The following FLOT2 variants were observed in gnomAD, a reference collection of about 807,000 sequenced individuals.
FLOT2 encodes the protein flotillin-2.
A neutral mutation model predicts 54.9 loss-of-function variants in FLOT2; 35 were observed. That is an observed-to-expected ratio of 0.64 (90% CI 0.49 to 0.84). The LOEUF is 0.84. FLOT2 is among the 40% of genes least tolerant of loss of function. The pLI is 0.00. For synonymous variants in FLOT2, 207 were observed against 228.9 expected, an observed-to-expected ratio of 0.90 and a Z score of 0.86; for missense variants, 464 against 572.1, an observed-to-expected ratio of 0.81 and a Z score of 1.93.
chr17:28,884,978 T>C lies in FLOT2; in HGVS notation c.132-663A>G, dbSNP rs569829499. Among the ~76,000 whole-genome samples, 29 of 152,336 alleles carry C rather than the reference T, an allele frequency of 1.9e-4. No homozygotes were observed. In the South Asian group the frequency reaches 3.3e-3, roughly 17 times the overall value. On this transcript the variant is annotated intron_variant, in intron 2 of 10. Coordinates refer to ENST00000394908, the MANE Select transcript of FLOT2 (RefSeq NM_004475.3). This position sits in a 1 kb window ranked among gnomAD's most constrained non-coding sequence, Gnocchi z 5.1. ...AGACTGAAGTCACACTAGAGCTTCTTGGCCAAGGAGTGTTAACCCTGGAAA... is the reference window on the plus strand; with the variant it reads ...AGACTGAAGTCACACTAGAGCTTCTCGGCCAAGGAGTGTTAACCCTGGAAA...
intron 9 of FLOT2, 40 bp from the exon 10 acceptor site, chr17:28,880,902 ACT>A (rs757312775): frequency 6.2e-7 from 1 of 1,611,072 alleles, no homozygotes; most frequent in Non-Finnish European, 8.5e-7. Flanking sequence ...GTTGGCGCTG[ACT>A]CTGTTCTCAG....
In FLOT2 at chr17:28,883,569, G is replaced by T. The variant is rs2039492864; in HGVS notation, c.223-338C>A. Among the ~76,000 whole-genome samples the T allele has an allele frequency of 1.3e-5, 2 of 152,152 alleles. No individual in the cohort carries two copies. ...TACACGTGGGAGACCCTCAGGCTGA[G>T]GGGCAGAGAGTATGAGAAGCAGAAT... is the stretch of plus-strand genomic sequence containing the variant. On this transcript the variant is annotated intron_variant, in intron 3 of 10. Coordinates refer to ENST00000394908, the MANE Select transcript of FLOT2 (RefSeq NM_004475.3). The surrounding 1 kb of genome is among the most constrained non-coding windows in gnomAD (Gnocchi z 5.0).
rs759424352 is a variant in FLOT2 at position 28,881,237 on chromosome 17, G to A, written c.1053C>T (p.Tyr351=). ...MKLKAEAYQK[Y]GDAAKMALVL... The stretch of plus-strand genomic sequence containing the variant: ...CCAAGGCCATCTTGGCTGCATCCCC[G>A]TATTTCTGGTAGGCTTCTGCCTTGA... The change falls in exon 9 of 11, where the codon TAC becomes TAT. Residue 351 remains tyrosine, a synonymous_variant. Transcript: ENST00000394908. 1.6e-5 allele frequency: 26 copies of A among 1,614,182 alleles called. No individual in the cohort carries two copies. The East Asian group carries it at 2.0e-4, about 12-fold the overall frequency.
At chr17:28,881,422 C>T (rs754320207) in intron 8 of FLOT2, 47 bp from the exon 9 acceptor site, 24 of 1,578,602 alleles carry the variant, frequency 1.5e-5, no homozygotes, top group Non-Finnish European at 2.0e-5. Flanking sequence ...TACCAGGGTC[C>T]TCTCAAGCCT....
At position 28,883,221 on chromosome 17, in the gene FLOT2, A is replaced by T; in HGVS notation, c.233T>A (p.Met78Lys). ...TVTGVAQVKIMTEKELLAVAC... is the reference protein window; with the variant it reads ...TVTGVAQVKIKTEKELLAVAC... Reference sequence around the variant, plus strand: ...CACGGCCAGGAGTTCCTTCTCCGTCATGATCTTCACCTGTCAGTGACGACA... The same window carrying T: ...CACGGCCAGGAGTTCCTTCTCCGTCTTGATCTTCACCTGTCAGTGACGACA... The change falls in exon 4 of 11, where the codon ATG becomes AAG. Residue 78 changes from methionine to lysine, a missense_variant. Transcript: ENST00000394908. The surrounding 1 kb of genome is among the most constrained non-coding windows in gnomAD (Gnocchi z 5.0). The T allele has an allele frequency of 2.5e-6, 4 of 1,614,058 alleles. No homozygotes were observed. The highest frequency in any genetic ancestry group is 3.4e-6 in the Non-Finnish European group (4 of 1,179,996).
At position 28,882,333 on chromosome 17, in the gene FLOT2, A is replaced by G. The variant is rs780192508; in HGVS notation, c.579+4T>C. 1.2e-6 allele frequency: 2 copies of G among 1,613,854 alleles called. No individual in the cohort carries two copies. The highest frequency in any genetic ancestry group is 1.1e-5 in the South Asian group (1 of 91,074). On this transcript the variant is annotated splice_donor_region_variant and intron_variant, in intron 6 of 10. Transcript: ENST00000394908. The surrounding 1 kb of genome is among the most constrained non-coding windows in gnomAD (Gnocchi z 5.6). ...CTGAGCTTCCCATCCTTGAACCCAC[A>G]TACCCGGATGCCTGCGTCCCGTTCA...
Position 28,883,374 on chromosome 17 carries a change from G to T in FLOT2, c.223-143C>A, listed in dbSNP as rs1228416254. On this transcript the variant is annotated intron_variant, in intron 3 of 10. Coordinates refer to ENST00000394908, the MANE Select transcript of FLOT2 (RefSeq NM_004475.3). The surrounding 1 kb of genome is among the most constrained non-coding windows in gnomAD (Gnocchi z 5.0). ...GGCCCTGGGGGGCTGGAATCTGTCT[G>T]AAGCCTCTAGTGGGGAGACAGCAGC... The T allele has an allele frequency of 2.0e-6, 2 of 987,860 alleles. No homozygotes were observed. The highest frequency in any genetic ancestry group is 2.1e-5 in the Admixed American group (1 of 47,376). 61.2% of individuals were successfully genotyped at this position (987,860 alleles called of 1,614,324 possible). A position where few individuals can be genotyped will look rare whatever the true frequency, so the allele number is the denominator to read the frequency against.
Position 28,884,205 on chromosome 17 carries a change from G to C in FLOT2, c.222+20C>G. 1 of 1,580,232 alleles carries C rather than the reference G, an allele frequency of 6.3e-7. No individual in the cohort carries two copies. Among genetic ancestry groups the C allele is most frequent in the Non-Finnish European group, 8.7e-7 (1 of 1,149,426 alleles). The stretch of plus-strand genomic sequence containing the variant: ...CCAGGCAGCTCAACGGACATGCGCA[G>C]GGCTGCTGAGTTACTATACCTGGGC... On this transcript the variant is annotated intron_variant, in intron 3 of 10. Coordinates refer to ENST00000394908, the MANE Select transcript of FLOT2 (RefSeq NM_004475.3). The surrounding 1 kb of genome is among the most constrained non-coding windows in gnomAD (Gnocchi z 5.1).
rs574904056 is a variant in FLOT2, at chr17:28,882,781, C to T, written c.347-90G>A. 6.3e-4 allele frequency: 531 copies of T among 848,854 alleles called. No individual in the cohort carries two copies. Among genetic ancestry groups the T allele is most frequent in the Admixed American group, 1.4e-3 (72 of 50,568 alleles). 52.6% of individuals were successfully genotyped at this position (848,854 alleles called of 1,614,324 possible). On this transcript the variant is annotated intron_variant, in intron 4 of 10. Transcript: ENST00000394908. The surrounding 1 kb of genome is among the most constrained non-coding windows in gnomAD (Gnocchi z 5.6). The stretch of plus-strand genomic sequence containing the variant: ...ATGCATGTAGAGGTAGGGGTGCATG[C>T]GGGGTGCTGCACTCTGAGCTGGGTC...
intron 1 of FLOT2, among the ~76,000 whole-genome samples, chr17:28,890,449 C>T (rs974209502): frequency 4.0e-5 from 6 of 149,502 alleles, no homozygotes; most frequent in Non-Finnish European, 5.9e-5. Context: ...TGCAGTGGTG[C>T]GATCTCAGCT....
In FLOT2 at chr17:28,880,329, G is replaced by A; in HGVS notation, c.*232C>T. ...AAGGAAAAGACACGCAGGGAGATGA[G>A]ACACAAACCTGATGAAAGTGGCAGT... On this transcript the variant is annotated 3_prime_UTR_variant, in exon 11 of 11. Coordinates refer to ENST00000394908, the MANE Select transcript of FLOT2 (RefSeq NM_004475.3). 1 of 1,394,564 alleles carries A rather than the reference G, an allele frequency of 7.2e-7. No individual in the cohort carries two copies. Among genetic ancestry groups the A allele is most frequent in the Non-Finnish European group, 9.3e-7 (1 of 1,076,050 alleles). The allele number at this position is 1,394,564 out of a possible 1,614,324, so 86.4% of individuals were successfully genotyped here.
rs74966261 is a variant in FLOT2 at position 28,882,566 on chromosome 17, G to A, written c.465+7C>T. 1.6e-5 allele frequency: 25 copies of A among 1,599,796 alleles called. No individual in the cohort carries two copies. Among genetic ancestry groups the A allele is most frequent in the Admixed American group, 1.3e-4 (8 of 59,990 alleles). ...GCCAGGAGATACAGCTTCCCATCACGTCGTACCTTGATGGTGAAGCTGAGG... is the reference window on the plus strand; with the variant it reads ...GCCAGGAGATACAGCTTCCCATCACATCGTACCTTGATGGTGAAGCTGAGG... On this transcript the variant is annotated splice_region_variant and intron_variant, in intron 5 of 10. Coordinates refer to ENST00000394908, the MANE Select transcript of FLOT2 (RefSeq NM_004475.3). The surrounding 1 kb of genome is among the most constrained non-coding windows in gnomAD (Gnocchi z 5.6).
rs1179949478 is a variant in FLOT2 at position 28,884,511 on chromosome 17, G to A, written c.132-196C>T. Among the ~76,000 whole-genome samples, 1 of 152,166 alleles carries A rather than the reference G, an allele frequency of 6.6e-6. No individual in the cohort carries two copies. The highest frequency in any genetic ancestry group is 1.5e-5 in the Non-Finnish European group (1 of 68,012). On this transcript the variant is annotated intron_variant, in intron 2 of 10. Transcript: ENST00000394908. The surrounding 1 kb of genome is among the most constrained non-coding windows in gnomAD (Gnocchi z 5.1). ...AGGGTGGGTGCAGGTGGCCCCAGGG[G>A]AAGGAGTGGAAGTGGGCTGCATATG... is the stretch of plus-strand genomic sequence containing the variant.
At chr17:28,893,169 T>C (rs1380570180) in intron 1 of FLOT2, 1 of 152,254 alleles carries the variant, frequency 6.6e-6, no homozygotes, top group Non-Finnish European at 1.5e-5. Context: ...AGAGGCCAGT[T>C]AGGTGCCTCT....
At position 28,880,169 on chromosome 17, in the gene FLOT2, T is replaced by G. The variant is rs2039422446; in HGVS notation, c.*392A>C. The G allele has an allele frequency of 9.2e-7, 1 of 1,088,404 alleles. No individual in the cohort carries two copies. Among genetic ancestry groups the G allele is most frequent in the African/African-American group, 1.7e-5 (1 of 59,998 alleles). 67.4% of individuals were successfully genotyped at this position (1,088,404 alleles called of 1,614,324 possible). Reference sequence around the variant, plus strand: ...GCTCTGGCCAGGGCCATAGGGAGGATGGACAGATGCACAGAGAACTTCAAG... The same window carrying G: ...GCTCTGGCCAGGGCCATAGGGAGGAGGGACAGATGCACAGAGAACTTCAAG... On this transcript the variant is annotated 3_prime_UTR_variant, in exon 11 of 11. Coordinates refer to ENST00000394908, the MANE Select transcript of FLOT2 (RefSeq NM_004475.3).
Position 28,888,963 on chromosome 17 carries a change from C to T in FLOT2, c.113G>A (p.Cys38Tyr). ...TGCTTACCTCTGAGTGTCGGAGATA[C>T]ACCACCAGGCCCAGGCCCAGCCGCC... ...VFGGWAWAWW[C>Y]ISDTQRISLE... Residue 38 changes from cysteine (C) to tyrosine (Y), a missense_variant, in exon 2 of 11, where the codon TGT (cysteine) becomes TAT (tyrosine). By Grantham distance (194) the Cys-to-Tyr change is radical. Coordinates refer to ENST00000394908, the MANE Select transcript of FLOT2 (RefSeq NM_004475.3). 3.7e-6 allele frequency: 6 copies of T among 1,614,104 alleles called. No homozygotes were observed. Among genetic ancestry groups the T allele is most frequent in the Non-Finnish European group, 5.1e-6 (6 of 1,179,982 alleles).
In FLOT2 at chr17:28,884,162, C is replaced by T; in HGVS notation, c.222+63G>A. 2 of 1,273,202 alleles carry T rather than the reference C, an allele frequency of 1.6e-6. No individual in the cohort carries two copies. The highest frequency in any genetic ancestry group is 1.5e-5 in the African/African-American group (1 of 68,410). The allele number at this position is 1,273,202 out of a possible 1,614,324, so 78.9% of individuals were successfully genotyped here. On this transcript the variant is annotated intron_variant, in intron 3 of 10. Coordinates refer to ENST00000394908, the MANE Select transcript of FLOT2 (RefSeq NM_004475.3). The surrounding 1 kb of genome is among the most constrained non-coding windows in gnomAD (Gnocchi z 5.1). ...TGGCTGCTGTCCTCTCCTCCTCCCC[C>T]CGAACCCGAGTACGGGACCAGGCAG...
At chr17:28,895,237 T>C (rs2039722827) in intron 1 of FLOT2, among the ~76,000 whole-genome samples, 1 of 152,136 alleles carries the variant, frequency 6.6e-6, no homozygotes, top group South Asian at 2.1e-4. Context: ...AATAAATACA[T>C]AAGAAATTAT....
In FLOT2 at chr17:28,889,860, G is replaced by A. The variant is rs1233264628; in HGVS notation, c.50-834C>T. Among the ~76,000 whole-genome samples, 5 of 151,938 alleles carry A rather than the reference G, an allele frequency of 3.3e-5. No homozygotes were observed. In the East Asian group the frequency reaches 9.7e-4, roughly 29 times the overall value. ...TCACCATGTTGGCCAGGCTGGTCTC[G>A]AACTCTTGACCTTGTGATCCACCTG... On this transcript the variant is annotated intron_variant, in intron 1 of 10. Coordinates refer to ENST00000394908, the MANE Select transcript of FLOT2 (RefSeq NM_004475.3).
Sources: allele counts gnomAD v4.1 joint callset (sites outside exome capture counted in the v4.1 genomes callset), GRCh38; gene constraint gnomAD v4.1.1; non-coding constraint Gnocchi (gnomAD v3.1); transcripts MANE v1.5; gene names NCBI Gene and HGNC (gene_info 2026-07-23, HGNC 2026-07-21).